The following TRPM6 variants were observed in gnomAD, a reference collection of about 807,000 sequenced individuals.
The protein encoded by TRPM6 is transient receptor potential cation channel subfamily M member 6.
TRPM6 carries 111 observed loss-of-function variants against 247.6 expected under a neutral mutation model. The observed-to-expected ratio is 0.45, with a 90% confidence interval of 0.38 to 0.52. The LOEUF is 0.52. Among genes scored for constraint, TRPM6 ranks in the 20% least tolerant of loss-of-function variants. The pLI is 0.00. For missense variants in TRPM6, 2,126 were observed against 2,421.5 expected, an observed-to-expected ratio of 0.88 and a Z score of 2.56; for synonymous variants, 892 against 853.8, an observed-to-expected ratio of 1.04 and a Z score of -0.78.
Position 74,762,295 on chromosome 9 carries a change from T to C in TRPM6, c.4376A>G (p.Glu1459Gly), listed in dbSNP as rs1370945137. The stretch of plus-strand genomic sequence containing the variant: ...GCTAAACACACCAGTTTCATCACCT[T>C]CTGAAAATGCCCAGTTTACATATCC... The part of the protein sequence containing the change: ...GGGYVNWAFS[E>G]GDETGVFSIK... Residue 1459 changes from glutamate to glycine, a missense_variant, in exon 26 of 39, where the codon GAA (glutamate) becomes GGA (glycine). By Grantham distance (98) the Glu-to-Gly change is moderately conservative. Around this residue, in one of 3 missense-constraint regions of TRPM6, gnomAD observed 717 missense variants for 715.9 expected, o/e 1.00. Transcript: ENST00000360774. 1.2e-6 allele frequency: 2 copies of C among 1,614,082 alleles called. No individual in the cohort carries two copies. The highest frequency in any genetic ancestry group is 1.7e-6 in the Non-Finnish European group (2 of 1,180,042).
intron 36 of TRPM6, among the ~76,000 whole-genome samples, chr9:74,733,064 C>T (rs112536830): frequency 1.4e-3 from 215 of 152,018 alleles, no homozygotes; most frequent in South Asian, 3.5e-3. Flanking sequence ...TTTGGTGGTG[C>T]ATGCCTGTAA....
In TRPM6 at chr9:74,801,417, A is replaced by G. The variant is rs921081976; in HGVS notation, c.2009+481T>C. 4.6e-5 allele frequency among the ~76,000 whole-genome samples: 7 copies of G among 152,042 alleles called. No homozygotes were observed. The East Asian group carries it at 7.7e-4, about 17-fold the overall frequency. ...TGATTCTAGCTTTCATTCTTTCTTCATTACTATAACACTTTAGTAACTTCA... is the reference window on the plus strand; with the variant it reads ...TGATTCTAGCTTTCATTCTTTCTTCGTTACTATAACACTTTAGTAACTTCA... On this transcript the variant is annotated intron_variant, in intron 16 of 38. Transcript: ENST00000360774.
rs1295412586 is a variant in TRPM6 at position 74,851,582 on chromosome 9, T to C, written c.152+3945A>G. Among the ~76,000 whole-genome samples the C allele has an allele frequency of 2.0e-5, 3 of 151,566 alleles. No individual in the cohort carries two copies. In the East Asian group the frequency reaches 5.8e-4, roughly 29 times the overall value. On this transcript the variant is annotated intron_variant, in intron 3 of 38. Coordinates refer to ENST00000360774, the MANE Select transcript of TRPM6 (RefSeq NM_017662.5). Reference sequence around the variant, plus strand: ...GACCAACATGGTGAAACCCCATCTCTGCTAAAAATACAACAAATTAGCCAG... The same window carrying C: ...GACCAACATGGTGAAACCCCATCTCCGCTAAAAATACAACAAATTAGCCAG...
intron 1 of TRPM6, 136 bp downstream of exon 1, chr9:74,887,688 A>G: frequency 6.2e-7 from 1 of 1,607,772 alleles, no homozygotes; most frequent in Non-Finnish European, 8.5e-7. Context: ...CCGGTATTTC[A>G]TAAATCCTAG....
In TRPM6 at chr9:74,820,351, T is replaced by C. The variant is rs1829094851; in HGVS notation, c.1087A>G (p.Lys363Glu). ...NTFNFSLKQS[K>E]HLFQILMECM... ...TCCATTAGAATTTGGAAAAGGTGCT[T>C]GGACTGTTTAAGACTAAAGTTGAAA... Residue 363 changes from lysine to glutamate, a missense_variant, in exon 9 of 39, where the codon AAG becomes GAG. By Grantham distance (56) the Lys-to-Glu change is moderately conservative. Around this residue, in one of 3 missense-constraint regions of TRPM6, gnomAD observed 1,082 missense variants for 1,307.9 expected, o/e 0.83. Coordinates refer to ENST00000360774, the MANE Select transcript of TRPM6 (RefSeq NM_017662.5). The C allele has an allele frequency of 6.2e-7, 1 of 1,614,028 alleles. No homozygotes were observed. Among genetic ancestry groups the C allele is most frequent in the Admixed American group, 1.7e-5 (1 of 60,002 alleles).
At chr9:74,856,467 CTG>C (rs57338419) in intron 2 of TRPM6, among the ~76,000 whole-genome samples, 37 of 147,772 alleles carry the variant, frequency 2.5e-4, no homozygotes, top group African/African-American at 3.0e-4. Flanking sequence ...GTGTGTGTGT[CTG>C]TGTGTGTGTG....
At chr9:74,883,741 G>A (rs763764738) in intron 1 of TRPM6, among the ~76,000 whole-genome samples, 1 of 152,156 alleles carries the variant, frequency 6.6e-6, no homozygotes, top group East Asian at 1.9e-4. Context: ...ACGGTGTCAT[G>A]TGCCTGTAAT....
Position 74,827,777 on chromosome 9 carries a change from C to T in TRPM6, c.841+1G>A, listed in dbSNP as rs371363425. The T allele has an allele frequency of 8.7e-6, 14 of 1,613,874 alleles. No homozygotes were observed. The highest frequency in any genetic ancestry group is 1.3e-5 in the African/African-American group (1 of 74,866). On this transcript the variant is annotated splice_donor_variant, in intron 7 of 38. Transcript: ENST00000360774. LOFTEE classifies it high-confidence loss of function. ...GGTGACTGAGCCCCTGTGATACTCA[C>T]GGCAGTGTATTTTCTGCAGAGAGAG...
intron 1 of TRPM6, among the ~76,000 whole-genome samples, chr9:74,865,104 G>T (rs1830807907): frequency 1.3e-5 from 2 of 151,170 alleles, no homozygotes; most frequent in Admixed American, 1.3e-4. Flanking sequence ...ACGTCAGAAT[G>T]AATTTCTAGA....
chr9:74,791,198 G>A (rs372106824), intron 19 of TRPM6, among the ~76,000 whole-genome samples: 14 of 152,084 alleles, frequency 9.2e-5, no homozygotes, highest in African/African-American at 2.9e-4. Flanking sequence ...ATGTTGTTGC[G>A]CATTACAAAA....
chr9:74,882,886 A>C (rs1472891589), intron 1 of TRPM6, among the ~76,000 whole-genome samples: 2 of 152,198 alleles, frequency 1.3e-5, no homozygotes, highest in African/African-American at 4.8e-5. Context: ...TATATAATGT[A>C]AAATTTACCA....
At chr9:74,830,700 C>A (rs1829511801) in intron 6 of TRPM6, among the ~76,000 whole-genome samples, 1 of 151,870 alleles carries the variant, frequency 6.6e-6, no homozygotes, top group African/African-American at 2.4e-5. Flanking sequence ...CCTCAGCCCC[C>A]CAAGTAGCTG....
intron 1 of TRPM6, among the ~76,000 whole-genome samples, chr9:74,864,763 A>C (rs1830791328): frequency 6.6e-6 from 1 of 152,178 alleles, no homozygotes; most frequent in Non-Finnish European, 1.5e-5. Context: ...TGCTTTGCTA[A>C]GCAAAGGCAT....
intron 2 of TRPM6, among the ~76,000 whole-genome samples, chr9:74,856,215 G>A (rs1334056533): frequency 6.6e-6 from 1 of 152,074 alleles, no homozygotes; most frequent in African/African-American, 2.4e-5. Flanking sequence ...GAGGTGAGAG[G>A]ATTGCTTGAG....
chr9:74,779,768 A>G (rs1827352993), intron 23 of TRPM6, among the ~76,000 whole-genome samples: 1 of 152,236 alleles, frequency 6.6e-6, no homozygotes, highest in South Asian at 2.1e-4. Flanking sequence ...CAGGAAAAGC[A>G]TTCTAGGCAG....
intron 1 of TRPM6, among the ~76,000 whole-genome samples, chr9:74,870,423 CA>C (rs1202477325): frequency 1.3e-5 from 2 of 151,746 alleles, no homozygotes; most frequent in Non-Finnish European, 2.9e-5. Context: ...CATGGGCATT[CA>C]ATAAATCATG....
intron 1 of TRPM6, among the ~76,000 whole-genome samples, chr9:74,869,406 G>T (rs1830955878): frequency 6.7e-6 from 1 of 149,886 alleles, no homozygotes; most frequent in Non-Finnish European, 1.5e-5. Flanking sequence ...GGAGGCGGAG[G>T]TAACGCCACT....
intron 1 of TRPM6, among the ~76,000 whole-genome samples, chr9:74,867,553 ATCT>A (rs907354007): frequency 1.3e-5 from 2 of 152,218 alleles, no homozygotes; most frequent in African/African-American, 4.8e-5. Context: ...ACAAGATAAA[ATCT>A]TCATGTACTG....
chr9:74,837,477 T>G (rs921298291), intron 5 of TRPM6, among the ~76,000 whole-genome samples: 3 of 152,084 alleles, frequency 2.0e-5, no homozygotes, highest in Admixed American at 6.5e-5. Flanking sequence ...AGACGGAGTC[T>G]CGCTCGTCGC....
Sources: gnomAD v4.1 joint callset for allele counts (sites outside exome capture counted in the v4.1 genomes callset) on GRCh38, gnomAD v4.1.1 for gene constraint, gnomAD v4.1.1 regional missense constraint, MANE v1.5 for transcripts, NCBI Gene and HGNC (gene_info 2026-07-23, HGNC 2026-07-21) for gene names.